Variants in RBFOX1 observed in about 807,000 individuals in gnomAD.
The protein encoded by RBFOX1 is RNA binding fox-1 homolog 1.
RBFOX1 carries 8 observed loss-of-function variants against 57.7 expected under a neutral mutation model. That is an observed-to-expected ratio of 0.14 (90% CI 0.08 to 0.25). RBFOX1 has a LOEUF of 0.25. RBFOX1 is among the 10% of genes least tolerant of loss of function. The pLI is 1.00. For missense variants in RBFOX1, 611 were observed against 548.5 expected (o/e 1.11, Z -1.14); for synonymous variants, 326 against 222.4 (o/e 1.47, Z -4.15).
chr16:7,612,320 C>CAAAAAAA (rs60248765), intron 10 of RBFOX1, among the ~76,000 whole-genome samples: 30 of 71,426 alleles, frequency 4.2e-4, no homozygotes, highest in African/African-American at 7.8e-4. Flanking sequence ...GACTCCATCT[C>CAAAAAAA]AAAAAAAAAA....
At chr16:6,038,024 G>C (rs1454500183) in intron 1 of RBFOX1, 3 of 152,120 alleles carry the variant, frequency 2.0e-5, no homozygotes, top group African/African-American at 7.2e-5. Flanking sequence ...TAGGAAGTTA[G>C]AGAAGATGGG....
At chr16:6,814,187 G>C (rs1205287122) in intron 3 of RBFOX1, among the ~76,000 whole-genome samples, 1 of 145,120 alleles carries the variant, frequency 6.9e-6, no homozygotes, top group East Asian at 2.0e-4. Flanking sequence ...CTCATTGCAT[G>C]ATCAACATGA....
At chr16:7,589,001 A>T (rs1357849597) in intron 7 of RBFOX1, among the ~76,000 whole-genome samples, 1 of 152,204 alleles carries the variant, frequency 6.6e-6, no homozygotes, top group Non-Finnish European at 1.5e-5. Flanking sequence ...CCATAGCTCC[A>T]GATATTTTAC....
chr16:6,734,630 A>G (rs1234093932), intron 3 of RBFOX1, among the ~76,000 whole-genome samples: 1 of 152,168 alleles, frequency 6.6e-6, no homozygotes, highest in Non-Finnish European at 1.5e-5. Flanking sequence ...TTCCTCAGAC[A>G]TTCTTTTCTT....
intron 2 of RBFOX1, among the ~76,000 whole-genome samples, chr16:5,534,067 T>C (rs2044593027): frequency 6.6e-6 from 1 of 152,118 alleles, no homozygotes; most frequent in South Asian, 2.1e-4. Flanking sequence ...TGGCCACATC[T>C]ACTGCTGCCA....
At chr16:6,417,448 G>A (rs2093655170) in intron 2 of RBFOX1, among the ~76,000 whole-genome samples, 1 of 132,614 alleles carries the variant, frequency 7.5e-6, no homozygotes, top group African/African-American at 2.8e-5. Flanking sequence ...GGAGTGCAGT[G>A]GCACTGTGTT....
intron 3 of RBFOX1, among the ~76,000 whole-genome samples, chr16:6,819,542 A>G (rs1436382916): frequency 6.6e-6 from 1 of 151,600 alleles, no homozygotes; most frequent in Non-Finnish European, 1.5e-5. Context: ...CATCTCTACT[A>G]AAAATACAAA....
intron 9 of RBFOX1, 133 bp downstream of exon 9, chr16:7,597,564 C>T (rs1430808632): frequency 7.3e-6 from 5 of 682,080 alleles, no homozygotes; most frequent in South Asian, 4.3e-5. Flanking sequence ...TGACCTGCTA[C>T]AGTGAACCAC....
intron 2 of RBFOX1, among the ~76,000 whole-genome samples, chr16:6,371,763 C>T (rs529347924): frequency 1.3e-5 from 2 of 152,264 alleles, no homozygotes; most frequent in East Asian, 3.9e-4. Flanking sequence ...TGCACATACA[C>T]ATGTATATAT....
chr16:5,371,041 G>C (rs1182996015), intron 1 of RBFOX1, among the ~76,000 whole-genome samples: 2 of 152,164 alleles, frequency 1.3e-5, no homozygotes, highest in African/African-American at 4.8e-5. Flanking sequence ...TCTGCCTCCC[G>C]GGTTCAGGCG....
intron 1 of RBFOX1, among the ~76,000 whole-genome samples, chr16:5,395,937 C>T (rs888735880): frequency 7.9e-5 from 12 of 152,140 alleles, no homozygotes; most frequent in East Asian, 3.9e-4. Context: ...TGACAACCCT[C>T]GGGAGCTTGG....
intron 3 of RBFOX1, among the ~76,000 whole-genome samples, chr16:6,771,338 A>T (rs1246568433): frequency 6.6e-6 from 1 of 152,058 alleles, no homozygotes; most frequent in African/African-American, 2.4e-5. Context: ...GCTCAAGTCT[A>T]TGTTGGTATC....
intron 4 of RBFOX1, among the ~76,000 whole-genome samples, chr16:7,292,930 C>T (rs1185916979): frequency 6.6e-6 from 1 of 151,998 alleles, no homozygotes; most frequent in Non-Finnish European, 1.5e-5. Flanking sequence ...TTTTAAGGAG[C>T]AGGAAACAGA....
intron 2 of RBFOX1, among the ~76,000 whole-genome samples, chr16:6,450,790 CATATATATATGT>C (rs2094582860): frequency 5.7e-5 from 2 of 35,146 alleles, no homozygotes; most frequent in Non-Finnish European, 4.9e-5. Flanking sequence ...TATATATATA[CATATATATATGT>C]ATATATATAT....
chr16:5,325,453 G>C (rs912430134), intron 1 of RBFOX1, among the ~76,000 whole-genome samples: 1 of 151,966 alleles, frequency 6.6e-6, no homozygotes, highest in Non-Finnish European at 1.5e-5. Context: ...TTAAATTAAC[G>C]TACAGTAAAA....
intron 10 of RBFOX1, among the ~76,000 whole-genome samples, chr16:7,617,409 C>A (rs1159008317): frequency 6.6e-6 from 1 of 152,070 alleles, no homozygotes; most frequent in Non-Finnish European, 1.5e-5. Context: ...GAAAGCCATT[C>A]TTAGTTTATG....
chr16:6,187,475 A>T (rs2097112462), intron 1 of RBFOX1, among the ~76,000 whole-genome samples: 1 of 152,170 alleles, frequency 6.6e-6, no homozygotes, highest in African/African-American at 2.4e-5. Context: ...GCATTTTCTA[A>T]GCTTTTCTAA....
intron 3 of RBFOX1, among the ~76,000 whole-genome samples, chr16:5,691,736 A>G (rs2050685926): frequency 6.6e-6 from 1 of 152,222 alleles, no homozygotes; most frequent in South Asian, 2.1e-4. Flanking sequence ...GTATATCTCA[A>G]GTAGCCTGTA....
At chr16:7,561,970 T>C (rs943038786) in intron 5 of RBFOX1, among the ~76,000 whole-genome samples, 2 of 152,088 alleles carry the variant, frequency 1.3e-5, no homozygotes, top group Non-Finnish European at 2.9e-5. Context: ...CCTTGATTTC[T>C]GAGTGGGACA....
Sources: allele counts gnomAD v4.1 joint callset (sites outside exome capture counted in the v4.1 genomes callset), GRCh38; gene constraint gnomAD v4.1.1; transcripts MANE v1.5; gene names NCBI Gene and HGNC (gene_info 2026-07-23, HGNC 2026-07-21).